SOS2: variants seen among roughly 807,000 people sequenced by gnomAD.
The protein encoded by SOS2 is SOS Ras/Rho guanine nucleotide exchange factor 2, also known as son of sevenless homolog 2.
Under a neutral mutation model 148.2 loss-of-function variants are expected in SOS2, and 65 were observed. The ratio of observed to expected loss-of-function variants is 0.44; its 90% confidence interval spans 0.36 to 0.54. SOS2 has a LOEUF of 0.54. SOS2 is among the 20% of genes least tolerant of loss of function. The probability of loss-of-function intolerance (pLI) is 0.00; values close to 1 mark genes in which losing one functional copy is unlikely to be tolerated. For synonymous variants in SOS2, 539 were observed against 537.1 expected (o/e 1.00, Z -0.05); for missense variants, 1,341 against 1,590.2 (o/e 0.84, Z 2.67).
chr14:50,146,975 G>C (rs989904919), intron 14 of SOS2, among the ~76,000 whole-genome samples: 7 of 151,922 alleles, frequency 4.6e-5, no homozygotes, highest in African/African-American at 1.7e-4. Context: ...TGGAAGGATT[G>C]ATTGAGGCAA....
intron 5 of SOS2, among the ~76,000 whole-genome samples, chr14:50,186,427 T>C (rs1004540918): frequency 1.4e-4 from 22 of 152,096 alleles, no homozygotes; most frequent in African/African-American, 5.3e-4. Context: ...CAAAATCCAA[T>C]TATAACGTGG....
At chr14:50,224,314 TACAC>T (rs71118856) in intron 1 of SOS2, among the ~76,000 whole-genome samples, 6,257 of 100,862 alleles carry the variant, frequency 0.062, 439 homozygotes, top group East Asian at 0.086. Flanking sequence ...AATATATATA[TACAC>T]ACACACACAC....
intron 8 of SOS2, among the ~76,000 whole-genome samples, chr14:50,169,842 C>T (rs1291167820): frequency 1.3e-5 from 2 of 151,622 alleles, no homozygotes; most frequent in Admixed American, 6.6e-5. Flanking sequence ...ATAGATAATA[C>T]TTTTTTGTTC....
rs28565912 is a variant in SOS2, at chr14:50,134,277, A to T, written c.2959-38T>A. 170,633 of 926,446 alleles carry T rather than the reference A, an allele frequency of 0.18. 18,017 individuals carry two copies. The highest frequency in any genetic ancestry group is 0.45 in the East Asian group (18,374 of 41,024). The allele number at this position is 926,446 out of a possible 1,614,324, so 57.4% of individuals were successfully genotyped here. A position where few individuals can be genotyped will look rare whatever the true frequency, so the allele number is the denominator to read the frequency against. ...AAATAACACAAGTGCATATATAGTAAGTATATATTTTAGATCTTATTAAAA... is the reference window on the plus strand; with the variant it reads ...AAATAACACAAGTGCATATATAGTATGTATATATTTTAGATCTTATTAAAA... On this transcript the variant is annotated intron_variant, in intron 18 of 22. Coordinates refer to ENST00000216373, the MANE Select transcript of SOS2 (RefSeq NM_006939.4).
intron 1 of SOS2, among the ~76,000 whole-genome samples, chr14:50,205,814 G>C (rs1229134258): frequency 6.6e-6 from 1 of 151,834 alleles, no homozygotes; most frequent in Non-Finnish European, 1.5e-5. Context: ...CAGCTACTAA[G>C]GAGGCTGAGG....
chr14:50,150,588 G>T (rs1352040486), intron 13 of SOS2, among the ~76,000 whole-genome samples: 4 of 147,396 alleles, frequency 2.7e-5, no homozygotes, highest in Non-Finnish European at 1.5e-5. Context: ...TTGAGACAGG[G>T]TCTTGCTCTG....
chr14:50,213,351 A>G (rs1886945034), intron 1 of SOS2, among the ~76,000 whole-genome samples: 1 of 152,176 alleles, frequency 6.6e-6, no homozygotes, highest in African/African-American at 2.4e-5. Context: ...AGAAAACAAG[A>G]TAATTAATAA....
chr14:50,195,785 C>T (rs1350220911), intron 4 of SOS2, among the ~76,000 whole-genome samples: 1 of 151,920 alleles, frequency 6.6e-6, no homozygotes, highest in Non-Finnish European at 1.5e-5. Flanking sequence ...AATCCCAGCA[C>T]TTTGGAAGGC....
At chr14:50,126,624 T>C (rs2018570) in intron 21 of SOS2, among the ~76,000 whole-genome samples, 132,185 of 152,064 alleles carry the variant, frequency 0.87, 57,538 homozygotes, top group East Asian at 0.92. Flanking sequence ...CTTAGAAATT[T>C]AAAATTATGA....
At chr14:50,205,909 C>CAAA (rs34451226) in intron 1 of SOS2, among the ~76,000 whole-genome samples, 28 of 135,554 alleles carry the variant, frequency 2.1e-4, no homozygotes, top group Admixed American at 4.5e-4. Flanking sequence ...AACTCCATCT[C>CAAA]AAAAAAAAAA....
intron 8 of SOS2, among the ~76,000 whole-genome samples, chr14:50,170,213 A>G (rs1272577884): frequency 6.6e-6 from 1 of 151,808 alleles, no homozygotes; most frequent in Non-Finnish European, 1.5e-5. Context: ...GATTATAAGC[A>G]TGAGGCACCT....
chr14:50,199,202 A>G (rs943952921), intron 4 of SOS2, among the ~76,000 whole-genome samples: 1 of 152,184 alleles, frequency 6.6e-6, no homozygotes, highest in Non-Finnish European at 1.5e-5. Context: ...ATAGAAGAAT[A>G]TGGAAGACTC....
At chr14:50,121,638 T>A (rs1287497389) in intron 21 of SOS2, among the ~76,000 whole-genome samples, 3 of 148,844 alleles carry the variant, frequency 2.0e-5, no homozygotes, top group African/African-American at 5.0e-5. Context: ...TCCTAAACAC[T>A]CTGAACTGAA....
At chr14:50,214,663 C>T (rs552198019) in intron 1 of SOS2, among the ~76,000 whole-genome samples, 4 of 149,908 alleles carry the variant, frequency 2.7e-5, no homozygotes, top group African/African-American at 9.8e-5. Context: ...TAAACATTTA[C>T]ATTGTAAGTG....
At chr14:50,220,616 C>T (rs1887176152) in intron 1 of SOS2, among the ~76,000 whole-genome samples, 5 of 151,952 alleles carry the variant, frequency 3.3e-5, no homozygotes, top group Admixed American at 3.3e-4. Flanking sequence ...TGAAGGAATT[C>T]CCTCTCTTAC....
At chr14:50,152,263 T>A (rs1475709091) in intron 13 of SOS2, among the ~76,000 whole-genome samples, 1 of 152,212 alleles carries the variant, frequency 6.6e-6, no homozygotes, top group Admixed American at 6.5e-5. Context: ...GACACATTTG[T>A]TTAAATGTTC....
chr14:50,197,473 A>G lies in SOS2; in HGVS notation c.510+2218T>C, dbSNP rs8004135. On this transcript the variant is annotated intron_variant, in intron 4 of 22. Coordinates refer to ENST00000216373, the MANE Select transcript of SOS2 (RefSeq NM_006939.4). ...TTCTATGATATTCCTGCTAAAGACC[A>G]TTACCTGATTCTAACCAAGAGAAAA... Among the ~76,000 whole-genome samples, 1,381 of 152,240 alleles carry G rather than the reference A, an allele frequency of 9.1e-3. 17 individuals carry two copies. Among genetic ancestry groups the G allele is most frequent in the African/African-American group, 0.031 (1,268 of 41,530 alleles).
intron 4 of SOS2, among the ~76,000 whole-genome samples, chr14:50,189,061 T>TCACACACACACACACACACA: frequency 7.8e-6 from 1 of 128,780 alleles, no homozygotes; most frequent in Admixed American, 8.5e-5. Context: ...CGAGACTCCA[T>TCACACACACACACACACACA]CACACACACA....
intron 1 of SOS2, chr14:50,215,506 G>A: frequency 1.6e-6 from 2 of 1,224,036 alleles, no homozygotes; most frequent in East Asian, 6.1e-5. Flanking sequence ...AGCCTAGTCA[G>A]AAAAAGAGCA....
Sources: gnomAD v4.1 joint callset for allele counts (sites outside exome capture counted in the v4.1 genomes callset) on GRCh38, gnomAD v4.1.1 for gene constraint, MANE v1.5 for transcripts, NCBI Gene and HGNC (gene_info 2026-07-23, HGNC 2026-07-21) for gene names.